Variants in MED6 observed in about 807,000 individuals in gnomAD.
The protein encoded by MED6 is mediator complex subunit 6, also known as mediator of RNA polymerase II transcription subunit 6.
In MED6, 33 loss-of-function variants were observed where a neutral mutation model predicts 37.5. That is an observed-to-expected ratio of 0.88 (90% confidence interval 0.67 to 1.18). The LOEUF (loss-of-function observed/expected upper bound fraction) is 1.18, where lower values mean the gene tolerates loss of function less well. Ranked by LOEUF, MED6 falls within the 50% of genes most tolerant of loss-of-function variation. The pLI is 0.00. For missense variants in MED6, 235 were observed against 290.6 expected, an observed-to-expected ratio of 0.81 and a Z score of 1.39; for synonymous variants, 94 against 93.6, an observed-to-expected ratio of 1.00 and a Z score of -0.02.
At chr14:70,586,268 G>A (rs1246080242) in intron 6 of MED6, among the ~76,000 whole-genome samples, 1 of 152,134 alleles carries the variant, frequency 6.6e-6, no homozygotes, top group Non-Finnish European at 1.5e-5. Context: ...TTTCTGATGA[G>A]TCTATTATTA....
At chr14:70,599,491 C>T (rs555853169) in intron 1 of MED6, among the ~76,000 whole-genome samples, 27 of 152,258 alleles carry the variant, frequency 1.8e-4, no homozygotes, top group African/African-American at 6.5e-4. Context: ...TCACATCATT[C>T]CTCTGATGGA....
At chr14:70,591,135 C>A in intron 6 of MED6, 131 bp downstream of exon 6, 1 of 669,438 alleles carries the variant, frequency 1.5e-6, no homozygotes, top group East Asian at 3.0e-5. Context: ...TCCTTTGATA[C>A]AGAGATCATT....
At chr14:70,587,390 C>T (rs1405227471) in intron 6 of MED6, among the ~76,000 whole-genome samples, 1 of 152,088 alleles carries the variant, frequency 6.6e-6, no homozygotes, top group Non-Finnish European at 1.5e-5. Context: ...CATGAGAACC[C>T]CCAACAAAGC....
At chr14:70,600,024 G>A (rs1885159096) in intron 1 of MED6, among the ~76,000 whole-genome samples, 1 of 151,954 alleles carries the variant, frequency 6.6e-6, no homozygotes, top group Non-Finnish European at 1.5e-5. Context: ...AGCAGTTAAG[G>A]GGTGACATCT....
chr14:70,600,527 A>G (rs556339251), intron 1 of MED6, 89 bp downstream of exon 1: 39 of 1,462,970 alleles, frequency 2.7e-5, no homozygotes, highest in Non-Finnish European at 3.7e-5. Flanking sequence ...GACTTCACAC[A>G]AAGGAACCTA....
intron 7 of MED6, 34 bp from the exon 8 acceptor site, chr14:70,584,977 A>G (rs564139102): frequency 2.5e-6 from 4 of 1,605,348 alleles, no homozygotes; most frequent in Admixed American, 1.7e-5. Flanking sequence ...TGGGAGGGAG[A>G]TATGGGTGGG....
In MED6 at chr14:70,584,529, C is replaced by T; in HGVS notation, c.*284G>A. ...TAGCTGGGACTATGGGCGCCCGCCACCACGCCCGGCTAATTTTTGTATTTT... is the reference window on the plus strand; with the variant it reads ...TAGCTGGGACTATGGGCGCCCGCCATCACGCCCGGCTAATTTTTGTATTTT... On this transcript the variant is annotated 3_prime_UTR_variant, in exon 8 of 8. Transcript: ENST00000256379. The T allele has an allele frequency of 3.2e-6, 1 of 313,532 alleles. No homozygotes were observed. The highest frequency in any genetic ancestry group is 5.8e-6 in the Non-Finnish European group (1 of 172,472). The allele number at this position is 313,532 out of a possible 1,614,324, so 19.4% of individuals were successfully genotyped here.
intron 3 of MED6, chr14:70,595,028 C>T (rs753591059): frequency 1.6e-5 from 9 of 567,418 alleles, no homozygotes; most frequent in Non-Finnish European, 1.1e-5. Flanking sequence ...ATCGACAATG[C>T]CCATCTTGCT....
In MED6 at chr14:70,594,850, G is replaced by C. The variant is rs184965027; in HGVS notation, c.275-1472C>G. On this transcript the variant is annotated intron_variant, in intron 3 of 7. Transcript: ENST00000256379. ...ATGCCTGACCTCCTACCTGGACAGA[G>C]TGAGGAGCCTGGAGACCGAGAACCA... 360 of 656,600 alleles carry C rather than the reference G, an allele frequency of 5.5e-4. 3 individuals are homozygous for C. The East Asian group carries it at 0.011, about 20-fold the overall frequency. The allele number at this position is 656,600 out of a possible 1,614,324, so 40.7% of individuals were successfully genotyped here. A position where few individuals can be genotyped will look rare whatever the true frequency, so the allele number is the denominator to read the frequency against.
rs1010464427 is a variant in MED6 at position 70,583,777 on chromosome 14, C to T, written c.*1036G>A. 1.6e-4 allele frequency: 40 copies of T among 245,578 alleles called. No individual in the cohort carries two copies. Among genetic ancestry groups the T allele is most frequent in the Middle Eastern group, 1.2e-3 (1 of 862 alleles). 15.2% of individuals were successfully genotyped at this position (245,578 alleles called of 1,614,324 possible). The stretch of plus-strand genomic sequence containing the variant: ...ACAGATATAATAAAGTAAAATTGTA[C>T]GAAAGGAATGATTAAAGTACAGTTT... On this transcript the variant is annotated 3_prime_UTR_variant, in exon 8 of 8. Coordinates refer to ENST00000256379, the MANE Select transcript of MED6 (RefSeq NM_005466.4).
chr14:70,588,692 A>AATC (rs1884783954), intron 6 of MED6, among the ~76,000 whole-genome samples: 1 of 5,100 alleles, frequency 2.0e-4, no homozygotes, highest in Non-Finnish European at 3.4e-4. Context: ...TCTCAAAAAT[A>AATC]ATAATAATAA....
intron 3 of MED6, chr14:70,595,666 T>A (rs566632568): frequency 1.8e-5 from 17 of 955,304 alleles, no homozygotes; most frequent in African/African-American, 9.3e-5. Context: ...TAGGCTGAGA[T>A]CACCACCTAC....
At chr14:70,595,601 G>C (rs1428836119) in intron 3 of MED6, 19 of 748,556 alleles carry the variant, frequency 2.5e-5, no homozygotes, top group Middle Eastern at 3.5e-4. Context: ...CCGGGGCAGA[G>C]AGGCAGCACC....
intron 1 of MED6, 56 bp from the exon 2 acceptor site, chr14:70,597,833 C>G (rs1177679885): frequency 9.2e-6 from 13 of 1,418,368 alleles, no homozygotes; most frequent in Non-Finnish European, 1.2e-5. Flanking sequence ...GAATCCAATC[C>G]AACAAACATT....
chr14:70,596,620 G>A lies in MED6; in HGVS notation c.265C>T (p.Pro89Ser), dbSNP rs1354872832. 3 of 1,612,310 alleles carry A rather than the reference G, an allele frequency of 1.9e-6. No homozygotes were observed. Among genetic ancestry groups the A allele is most frequent in the East Asian group, 2.2e-5 (1 of 44,876 alleles). Residue 89 changes from proline to serine, a missense_variant, in exon 3 of 8, where the codon CCT becomes TCT. Physicochemically the swap from Pro to Ser is moderately conservative, Grantham distance 74. Coordinates refer to ENST00000256379, the MANE Select transcript of MED6 (RefSeq NM_005466.4). ...FIIRKQQRQS[P>S]AQVIPLADYY... ...AGTTTACACATTTTACCTTGGGCAG[G>A]GGACTGCCGCTGTTGCTTCCGAATG...
intron 3 of MED6, chr14:70,595,516 T>C (rs1431858218): frequency 5.9e-6 from 4 of 679,678 alleles, no homozygotes; most frequent in Non-Finnish European, 8.0e-6. Flanking sequence ...CTGAGGGAGG[T>C]GGAGGCCTGC....
intron 3 of MED6, chr14:70,594,620 C>A (rs576847935): frequency 1.9e-5 from 8 of 418,178 alleles, no homozygotes; most frequent in Non-Finnish European, 9.2e-6. Context: ...CGCCCAGCTG[C>A]GGCACCCAGC....
At chr14:70,597,929 A>C (rs1885092476) in intron 1 of MED6, 152 bp from the exon 2 acceptor site, 1 of 477,818 alleles carries the variant, frequency 2.1e-6, no homozygotes, top group African/African-American at 2.0e-5. Context: ...AACAGAAGAG[A>C]TTATGCAAGA....
rs777219774 is a variant in MED6 at position 70,593,289 on chromosome 14, CACTT to C, written c.357+3_357+6del. The C allele has an allele frequency of 1.2e-6, 2 of 1,610,444 alleles. No individual in the cohort carries two copies. The highest frequency in any genetic ancestry group is 1.7e-5 in the Admixed American group (1 of 60,008). Reference sequence around the variant, plus strand: ...CTTTAGTGCTTAAAGAATGTGAAGACACTTACCACTCTAGAGTTTATAACTGATC... The same window carrying C: ...CTTTAGTGCTTAAAGAATGTGAAGACACCACTCTAGAGTTTATAACTGATC... On this transcript the variant is annotated splice_donor_5th_base_variant and intron_variant, in intron 4 of 7. Coordinates refer to ENST00000256379, the MANE Select transcript of MED6 (RefSeq NM_005466.4).
Sources: gnomAD v4.1 joint callset for allele counts (sites outside exome capture counted in the v4.1 genomes callset) on GRCh38, gnomAD v4.1.1 for gene constraint, MANE v1.5 for transcripts, NCBI Gene and HGNC (gene_info 2026-07-23, HGNC 2026-07-21) for gene names.